Variants in COL13A1 observed in about 807,000 individuals in gnomAD.
COL13A1 encodes collagen type XIII alpha 1 chain.
In COL13A1, 89 loss-of-function variants were observed where a neutral mutation model predicts 130.9. The ratio of observed to expected loss-of-function variants is 0.68; its 90% CI spans 0.57 to 0.81. COL13A1 has a LOEUF of 0.81. Ranked by LOEUF, COL13A1 falls within the 30% of genes least tolerant of loss-of-function variation. The pLI, the probability that COL13A1 is intolerant of heterozygous loss-of-function variation, is 0.00. For synonymous variants in COL13A1, 402 were observed against 341.6 expected, an observed-to-expected ratio of 1.18 and a Z score of -1.95; for missense variants, 879 against 934.6, an observed-to-expected ratio of 0.94 and a Z score of 0.78.
intron 2 of COL13A1, among the ~76,000 whole-genome samples, chr10:69,828,726 G>A (rs1848107515): frequency 6.6e-6 from 1 of 152,184 alleles, no homozygotes; most frequent in Admixed American, 6.5e-5. Flanking sequence ...CATGAGTTCT[G>A]CTGTTTGATG....
intron 2 of COL13A1, among the ~76,000 whole-genome samples, chr10:69,839,286 C>A (rs11593153): frequency 0.15 from 22,383 of 152,228 alleles, 1,702 homozygotes; most frequent in South Asian, 0.16. Context: ...TGACCTCTTC[C>A]TGCTTCCAGT....
intron 8 of COL13A1, 24 bp downstream of exon 8, chr10:69,887,515 G>A (rs1250909141): frequency 6.2e-7 from 1 of 1,613,432 alleles, no homozygotes; most frequent in Non-Finnish European, 8.5e-7. Context: ...GCTGAAGTTA[G>A]CTGTGTCCCA....
chr10:69,855,567 G>A (rs1856195319), intron 2 of COL13A1, among the ~76,000 whole-genome samples: 1 of 152,058 alleles, frequency 6.6e-6, no homozygotes, highest in South Asian at 2.1e-4. Flanking sequence ...GTTGTTAATT[G>A]TGTGCAATTT....
chr10:69,895,536 C>T lies in COL13A1; in HGVS notation c.658-14C>T, dbSNP rs574394306. ...AGTGCCTAACACCACCTTTCCCTTC[C>T]CTCTCCTTCCCAGGGTCAGTGTGGA... On this transcript the variant is annotated splice_polypyrimidine_tract_variant and intron_variant, in intron 12 of 40. Coordinates refer to ENST00000645393, the MANE Select transcript of COL13A1 (RefSeq NM_001368882.1). 2 of 1,613,972 alleles carry T rather than the reference C, an allele frequency of 1.2e-6. No homozygotes were observed. The highest frequency in any genetic ancestry group is 2.2e-5 in the South Asian group (2 of 91,078).
chr10:69,848,854 T>C (rs556781814), intron 2 of COL13A1, among the ~76,000 whole-genome samples: 148 of 152,332 alleles, frequency 9.7e-4, no homozygotes, highest in African/African-American at 3.3e-3. Context: ...TCACCTTCTC[T>C]TTGTGGCTCA....
chr10:69,817,815 G>A (rs953584743), intron 1 of COL13A1, among the ~76,000 whole-genome samples: 4 of 152,124 alleles, frequency 2.6e-5, no homozygotes, highest in South Asian at 2.1e-4. Context: ...TGTGGGATTC[G>A]AGGGTCCCTG....
At chr10:69,909,146 C>T (rs1222789297) in intron 17 of COL13A1, among the ~76,000 whole-genome samples, 2 of 152,162 alleles carry the variant, frequency 1.3e-5, no homozygotes, top group Non-Finnish European at 2.9e-5. Context: ...GATCCCTGGC[C>T]TTGAGAGGAG....
intron 7 of COL13A1, among the ~76,000 whole-genome samples, chr10:69,885,657 G>A (rs2060529663): frequency 1.3e-5 from 2 of 152,148 alleles, no homozygotes; most frequent in African/African-American, 2.4e-5. Flanking sequence ...GTCCCTAGCG[G>A]GATGGAAGAT....
intron 39 of COL13A1, among the ~76,000 whole-genome samples, chr10:69,954,701 G>A (rs894434791): frequency 7.9e-5 from 12 of 152,158 alleles, no homozygotes; most frequent in African/African-American, 1.4e-4. Context: ...TTAGGTTTTC[G>A]GATCCTAAAG....
At chr10:69,922,875 C>T in intron 23 of COL13A1, 81 bp downstream of exon 23, 1 of 888,430 alleles carries the variant, frequency 1.1e-6, no homozygotes, top group Non-Finnish European at 1.7e-6. Flanking sequence ...GACTCTACGT[C>T]CCGGACATCC....
Position 69,802,536 on chromosome 10 carries a change from G to T in COL13A1, c.113G>T (p.Arg38Leu). The T allele has an allele frequency of 6.3e-7, 1 of 1,593,658 alleles. No homozygotes were observed. Among genetic ancestry groups the T allele is most frequent in the South Asian group, 1.1e-5 (1 of 89,426 alleles). Residue 38 changes from arginine (R) to leucine (L), a missense_variant, in exon 1 of 41, where the codon CGG becomes CTG. By Grantham distance (102) the Arg-to-Leu change is moderately radical. Coordinates refer to ENST00000645393, the MANE Select transcript of COL13A1 (RefSeq NM_001368882.1). ...LVAARAERGARLPSPGSCGLL... is the reference protein window; with the variant it reads ...LVAARAERGALLPSPGSCGLL... ...GCGGCGCGGGCGGAGCGCGGCGCACGGCTGCCGAGTCCAGGGTCGTGCGGG... is the reference window on the plus strand; with the variant it reads ...GCGGCGCGGGCGGAGCGCGGCGCACTGCTGCCGAGTCCAGGGTCGTGCGGG...
chr10:69,855,467 C>A (rs777943839), intron 2 of COL13A1, among the ~76,000 whole-genome samples: 1 of 151,958 alleles, frequency 6.6e-6, no homozygotes, highest in South Asian at 2.1e-4. Flanking sequence ...CATATTATAA[C>A]GAACTAATAA....
At chr10:69,949,424 C>T (rs1230458043) in intron 38 of COL13A1, among the ~76,000 whole-genome samples, 1 of 152,200 alleles carries the variant, frequency 6.6e-6, no homozygotes, top group Non-Finnish European at 1.5e-5. Flanking sequence ...CTCAAGTGAT[C>T]CTCCTGCCTC....
chr10:69,816,836 T>C (rs527348169), intron 1 of COL13A1, among the ~76,000 whole-genome samples: 1 of 152,104 alleles, frequency 6.6e-6, no homozygotes, highest in South Asian at 2.1e-4. Context: ...TAGGGGACAG[T>C]AGGGGAAGAG....
At chr10:69,916,653 G>C (rs2063957120) in intron 17 of COL13A1, among the ~76,000 whole-genome samples, 1 of 152,184 alleles carries the variant, frequency 6.6e-6, no homozygotes, top group African/African-American at 2.4e-5. Context: ...GCGACCCCAT[G>C]CTGTCCCAGA....
chr10:69,935,746 C>T (rs1157019412), intron 32 of COL13A1, among the ~76,000 whole-genome samples: 2 of 152,114 alleles, frequency 1.3e-5, no homozygotes, highest in African/African-American at 4.8e-5. Context: ...GGCTCACGCC[C>T]GTGATACCAA....
intron 2 of COL13A1, among the ~76,000 whole-genome samples, chr10:69,823,659 A>G (rs2132660396): frequency 1.3e-5 from 2 of 152,282 alleles, no homozygotes. Flanking sequence ...TGGAGAGTGA[A>G]TGGGCTGGGG....
Position 69,957,042 on chromosome 10 carries a change from G to C in COL13A1, c.2184G>C (p.Lys728Asn). The C allele has an allele frequency of 6.2e-7, 1 of 1,613,568 alleles. No individual in the cohort carries two copies. The highest frequency in any genetic ancestry group is 8.5e-7 in the Non-Finnish European group (1 of 1,179,528). Residue 728 changes from lysine to asparagine, a missense_variant and splice_region_variant, in exon 40 of 41, where the codon AAG becomes AAC. Coordinates refer to ENST00000645393, the MANE Select transcript of COL13A1 (RefSeq NM_001368882.1). ...TACCAGTCCAAGGCTGCTGGAACAA[G>C]GTAAGGCTTCCCATTGGTGTGCACT... ...DGLPVQGCWN[K>N]
chr10:69,890,818 C>T lies in COL13A1; in HGVS notation c.603+1378C>T, dbSNP rs1221445742. On this transcript the variant is annotated intron_variant, in intron 10 of 40. Coordinates refer to ENST00000645393, the MANE Select transcript of COL13A1 (RefSeq NM_001368882.1). ...ATGACTGTCTCAATCCTCAGCGTAACTCTGTGCTCCAGGTCTTGCTAGAAT... is the reference window on the plus strand; with the variant it reads ...ATGACTGTCTCAATCCTCAGCGTAATTCTGTGCTCCAGGTCTTGCTAGAAT... Among the ~76,000 whole-genome samples, 4 of 152,258 alleles carry T rather than the reference C, an allele frequency of 2.6e-5. No homozygotes were observed. In the East Asian group the frequency reaches 7.7e-4, roughly 29 times the overall value.
Sources: allele counts gnomAD v4.1 joint callset (sites outside exome capture counted in the v4.1 genomes callset), GRCh38; gene constraint gnomAD v4.1.1; transcripts MANE v1.5; gene names NCBI Gene and HGNC (gene_info 2026-07-23, HGNC 2026-07-21).